The following ETV1 variants were observed in gnomAD, a reference collection of about 807,000 sequenced individuals.
The protein encoded by ETV1 is ETS variant transcription factor 1, also known as ETS translocation variant 1.
A neutral mutation model predicts 62.3 loss-of-function variants in ETV1; 27 were observed. The ratio of observed to expected loss-of-function variants is 0.43; its 90% CI spans 0.32 to 0.60. The LOEUF (loss-of-function observed/expected upper bound fraction) is 0.60, where lower values mean the gene tolerates loss of function less well. Ranked by LOEUF, ETV1 falls within the 20% of genes least tolerant of loss-of-function variation. The pLI is 0.06. For missense variants in ETV1, 605 were observed against 605.8 expected, an observed-to-expected ratio of 1.00 and a Z score of 0.01; for synonymous variants, 222 against 199.6, an observed-to-expected ratio of 1.11 and a Z score of -0.94.
chr7:13,990,519 T>C (rs1191259655), upstream of ETV1: 1 of 152,282 alleles, frequency 6.6e-6, no homozygotes, highest in Admixed American at 6.5e-5. Flanking sequence ...TGAGCTTTTG[T>C]TATGTATACA....
intron 9 of ETV1, among the ~76,000 whole-genome samples, chr7:13,928,399 G>A (rs2299091): frequency 6.6e-6 from 1 of 150,432 alleles, no homozygotes; most frequent in Non-Finnish European, 1.5e-5. Context: ...GGCAGATCAC[G>A]AGGTCAAGAG....
chr7:13,989,442 G>T lies in ETV1; in HGVS notation c.-262C>A, dbSNP rs1782858612. On this transcript the variant is annotated 5_prime_UTR_variant, in exon 2 of 14. Coordinates refer to ENST00000430479, the MANE Select transcript of ETV1 (RefSeq NM_004956.5). ...CAAAACTAGCAATGGCGATCAACGA[G>T]ACTTGCTTTGCACCTAACGGGACTA... is the stretch of plus-strand genomic sequence containing the variant. The T allele has an allele frequency of 4.7e-6, 2 of 428,206 alleles. No individual in the cohort carries two copies. The highest frequency in any genetic ancestry group is 3.5e-5 in the East Asian group (1 of 28,792). 26.5% of individuals were successfully genotyped at this position (428,206 alleles called of 1,614,324 possible).
chr7:13,942,319 G>A (rs749616636), intron 6 of ETV1, among the ~76,000 whole-genome samples: 13 of 151,478 alleles, frequency 8.6e-5, no homozygotes, highest in African/African-American at 2.2e-4. Flanking sequence ...CACCGTGCCC[G>A]GCCTCTTTTT....
In ETV1 at chr7:13,988,743, C is replaced by T. The variant is rs767697175; in HGVS notation, c.45+265G>A. 4 of 1,612,478 alleles carry T rather than the reference C, an allele frequency of 2.5e-6. No homozygotes were observed. The African/African-American group carries it at 5.3e-5, about 22-fold the overall frequency. ...ACTTTGAGTGCAGCAGCTGCTGCTG[C>T]CCTCCATCTCCTCTTCCACTCATGT... On this transcript the variant is annotated intron_variant, in intron 3 of 13. Coordinates refer to ENST00000430479, the MANE Select transcript of ETV1 (RefSeq NM_004956.5).
intron 10 of ETV1, 146 bp downstream of exon 10, chr7:13,911,093 C>A: frequency 1.7e-6 from 1 of 577,468 alleles, no homozygotes; most frequent in South Asian, 2.2e-5. Flanking sequence ...CTTCTTTTTA[C>A]TTTGGAGATA....
At chr7:13,978,081 G>T (rs1781626603) in intron 5 of ETV1, among the ~76,000 whole-genome samples, 2 of 152,188 alleles carry the variant, frequency 1.3e-5, no homozygotes, top group Middle Eastern at 3.4e-3. Context: ...ATATTTCAAA[G>T]ATTATATTCA....
At chr7:13,904,007 T>G (rs1782704590) in intron 12 of ETV1, among the ~76,000 whole-genome samples, 2 of 152,132 alleles carry the variant, frequency 1.3e-5, no homozygotes, top group Admixed American at 6.6e-5. Flanking sequence ...TCCAATAAGA[T>G]GGCTTCAGAG....
rs1488675353 is a variant in ETV1 at position 13,931,756 on chromosome 7, A to G, written c.555-7T>C. The G allele has an allele frequency of 6.2e-7, 1 of 1,612,924 alleles. No homozygotes were observed. Among genetic ancestry groups the G allele is most frequent in the South Asian group, 1.1e-5 (1 of 91,064 alleles). Reference sequence around the variant, plus strand: ...AGAAAGCTGGCGGCGAAATCTAGGGAATAAGAGAGTGTGTTTCAGATGAAA... The same window carrying G: ...AGAAAGCTGGCGGCGAAATCTAGGGGATAAGAGAGTGTGTTTCAGATGAAA... On this transcript the variant is annotated splice_region_variant and splice_polypyrimidine_tract_variant and intron_variant, in intron 8 of 13. Coordinates refer to ENST00000430479, the MANE Select transcript of ETV1 (RefSeq NM_004956.5).
chr7:13,961,858 G>A (rs1790205456), intron 6 of ETV1, among the ~76,000 whole-genome samples: 1 of 152,052 alleles, frequency 6.6e-6, no homozygotes, highest in Non-Finnish European at 1.5e-5. Context: ...TCTTCTAACA[G>A]TATCATTACA....
chr7:13,920,266 T>A (rs926706319), intron 9 of ETV1, among the ~76,000 whole-genome samples: 12 of 152,186 alleles, frequency 7.9e-5, no homozygotes, highest in African/African-American at 2.9e-4. Flanking sequence ...GAGAATGTTG[T>A]CTTCTCATTC....
In ETV1 at chr7:13,911,377, T is replaced by G. The variant is rs1481588953; in HGVS notation, c.803-70A>C. ...ACGCTGCGGTTATCAATGGACAGGG[T>G]GCAGACAGAGAAGATACAGAAACGG... On this transcript the variant is annotated intron_variant, in intron 9 of 13. Coordinates refer to ENST00000430479, the MANE Select transcript of ETV1 (RefSeq NM_004956.5). 9 of 1,029,616 alleles carry G rather than the reference T, an allele frequency of 8.7e-6. No homozygotes were observed. In the East Asian group the frequency reaches 2.2e-4, roughly 25 times the overall value. 63.8% of individuals were successfully genotyped at this position (1,029,616 alleles called of 1,614,324 possible). A position where few individuals can be genotyped will look rare whatever the true frequency, so the allele number is the denominator to read the frequency against.
intron 6 of ETV1, among the ~76,000 whole-genome samples, chr7:13,972,907 GCT>G (rs1426658192): frequency 2.6e-5 from 4 of 152,054 alleles, no homozygotes; most frequent in Admixed American, 6.6e-5. Flanking sequence ...CCATGCCCAG[GCT>G]CTGTTTTCAC....
intron 6 of ETV1, 78 bp from the exon 7 acceptor site, chr7:13,939,324 G>T: frequency 1.6e-6 from 2 of 1,236,112 alleles, no homozygotes; most frequent in Non-Finnish European, 2.2e-6. Context: ...TACTTCTCTT[G>T]TTAAAAAGGT....
At chr7:13,902,528 G>A (rs975427268) in intron 12 of ETV1, among the ~76,000 whole-genome samples, 2 of 150,560 alleles carry the variant, frequency 1.3e-5, no homozygotes, top group African/African-American at 4.9e-5. Flanking sequence ...GGGTGGGGGC[G>A]CTGGGGGGAG....
chr7:13,915,489 A>C (rs1269651406), intron 9 of ETV1, among the ~76,000 whole-genome samples: 5 of 152,214 alleles, frequency 3.3e-5, no homozygotes, highest in Non-Finnish European at 2.9e-5. Context: ...CCAACATTTT[A>C]TCTCTTTTAA....
At position 13,986,511 on chromosome 7, in the gene ETV1, T is replaced by C. The variant is rs530961770; in HGVS notation, c.181+127A>G. The C allele has an allele frequency of 2.9e-5, 44 of 1,541,088 alleles. No individual in the cohort carries two copies. In the African/African-American group the frequency reaches 5.6e-4, roughly 19 times the overall value. ...CTCATCAGAGGCTCTAATGTATGCA[T>C]GACACATGAGGTGGCTCTTTTAGAG... On this transcript the variant is annotated intron_variant, in intron 5 of 13. Transcript: ENST00000430479.
At chr7:13,966,308 C>A (rs1022521691) in intron 6 of ETV1, among the ~76,000 whole-genome samples, 1 of 152,032 alleles carries the variant, frequency 6.6e-6, no homozygotes, top group East Asian at 1.9e-4. Context: ...AGTGGCCTTG[C>A]CTTTGGACAG....
intron 6 of ETV1, among the ~76,000 whole-genome samples, chr7:13,967,095 A>T (rs1247021925): frequency 6.6e-6 from 1 of 152,204 alleles, no homozygotes; most frequent in East Asian, 1.9e-4. Context: ...ATTCATATTT[A>T]AAAATCATAA....
intron 6 of ETV1, among the ~76,000 whole-genome samples, chr7:13,953,772 T>C (rs1007278945): frequency 1.3e-5 from 2 of 152,176 alleles, no homozygotes. Flanking sequence ...TGCTGTCCTC[T>C]GTAGGCAATC....
Sources: allele counts gnomAD v4.1 joint callset (sites outside exome capture counted in the v4.1 genomes callset), GRCh38; gene constraint gnomAD v4.1.1; transcripts MANE v1.5; gene names NCBI Gene and HGNC (gene_info 2026-07-23, HGNC 2026-07-21).